MFN2: variants seen among roughly 807,000 people sequenced by gnomAD.
The protein encoded by MFN2 is mitofusin-2.
Under a neutral mutation model 87.5 loss-of-function variants are expected in MFN2, and 43 were observed. The observed-to-expected ratio is 0.49, with a 90% CI of 0.38 to 0.63. The LOEUF (loss-of-function observed/expected upper bound fraction) is 0.63. MFN2 is among the 30% of genes least tolerant of loss of function. MFN2 has a pLI of 0.00. For synonymous variants in MFN2, 337 were observed against 359.9 expected (o/e 0.94, Z 0.72); for missense variants, 743 against 972.8 (o/e 0.76, Z 3.14).
chr1:12,001,330 TTAA>T (rs1391347026), intron 8 of MFN2, 68 bp from the exon 9 acceptor site: 3 of 1,589,264 alleles, frequency 1.9e-6, no homozygotes, highest in Admixed American at 1.7e-5. Context: ...ACCTATTCTT[TTAA>T]TAAAAGAGGC....
At chr1:11,984,536 C>A (rs948433127) in intron 2 of MFN2, among the ~76,000 whole-genome samples, 2 of 152,204 alleles carry the variant, frequency 1.3e-5, no homozygotes, top group Non-Finnish European at 2.9e-5. Flanking sequence ...ATCCACGGAT[C>A]CAGGCTCATA....
chr1:11,998,405 G>A (rs1365715155), intron 6 of MFN2, among the ~76,000 whole-genome samples: 1 of 151,832 alleles, frequency 6.6e-6, no homozygotes, highest in Non-Finnish European at 1.5e-5. Context: ...AAAATTAGCT[G>A]GGCATGGTGG....
intron 3 of MFN2, among the ~76,000 whole-genome samples, chr1:11,989,829 C>T (rs956579561): frequency 2.6e-5 from 4 of 152,190 alleles, no homozygotes; most frequent in Non-Finnish European, 5.9e-5. Flanking sequence ...AGGAAACTCA[C>T]GTCACCTATG....
At chr1:12,009,754 T>C in intron 18 of MFN2, 28 bp downstream of exon 18, 1 of 1,613,964 alleles carries the variant, frequency 6.2e-7, no homozygotes, top group East Asian at 2.2e-5. Flanking sequence ...GGCCAAAGGT[T>C]AGGGCTCCAG....
intron 18 of MFN2, among the ~76,000 whole-genome samples, chr1:12,009,994 A>G (rs998798339): frequency 6.6e-6 from 1 of 152,186 alleles, no homozygotes; most frequent in African/African-American, 2.4e-5. Flanking sequence ...TCTCTACTAA[A>G]AATACAAAGA....
In MFN2 at chr1:12,003,158, T is replaced by C. The variant is rs1170618764; in HGVS notation, c.1161-834T>C. 2.6e-5 allele frequency among the ~76,000 whole-genome samples: 4 copies of C among 152,030 alleles called. No homozygotes were observed. The highest frequency in any genetic ancestry group is 2.0e-4 in the Admixed American group (3 of 15,242). On this transcript the variant is annotated intron_variant, in intron 11 of 18. Transcript: ENST00000235329. This position sits in a 1 kb window ranked among gnomAD's most constrained non-coding sequence, Gnocchi z 4.1. ...GTCCCCTTGTGCACCTTTTTAAGAG[T>C]CTTCCTGGGGTGAGTTCCTAGGGGT...
chr1:12,001,894 G>A lies in MFN2; in HGVS notation c.1038+58G>A, dbSNP rs1227518670. The A allele has an allele frequency of 5.6e-6, 9 of 1,613,854 alleles. No homozygotes were observed. In the East Asian group the frequency reaches 2.0e-4, roughly 36 times the overall value. ...TGTGCCTCCCCAGCTCCCATTGGCT[G>A]TGTCCCTGGCAGTGAAAACCAGAGT... is the stretch of plus-strand genomic sequence containing the variant. On this transcript the variant is annotated intron_variant, in intron 10 of 18. Transcript: ENST00000235329.
intron 2 of MFN2, among the ~76,000 whole-genome samples, chr1:11,987,000 G>C (rs1487687029): frequency 6.6e-6 from 1 of 152,194 alleles, no homozygotes; most frequent in Non-Finnish European, 1.5e-5. Context: ...AAGAGAGACA[G>C]TCACACAAAA....
Position 12,013,313 on chromosome 1 carries a change from C to A in MFN2, c.*1748C>A, listed in dbSNP as rs565302510. ...TAAATTTATACCACTGAGGGAGAGA[C>A]CCTTTCTGAAAGAAGTATGGCCAAA... On this transcript the variant is annotated 3_prime_UTR_variant, in exon 19 of 19. Coordinates refer to ENST00000235329, the MANE Select transcript of MFN2 (RefSeq NM_014874.4). 1.7e-5 allele frequency: 8 copies of A among 469,286 alleles called. No individual in the cohort carries two copies. The highest frequency in any genetic ancestry group is 1.6e-4 in the African/African-American group (8 of 50,134). The allele number at this position is 469,286 out of a possible 1,614,324, so 29.1% of individuals were successfully genotyped here.
chr1:12,006,401 A>T, intron 15 of MFN2, 137 bp from the exon 16 acceptor site: 1 of 1,133,560 alleles, frequency 8.8e-7, no homozygotes. Flanking sequence ...ATCTGAAGCT[A>T]GTTGTCCCCT....
rs184254413 is a variant in MFN2, at chr1:12,011,791, C to T, written c.*226C>T. 335 of 601,502 alleles carry T rather than the reference C, an allele frequency of 5.6e-4. 6 individuals carry two copies. In the South Asian group the frequency reaches 6.2e-3, roughly 11 times the overall value. 37.3% of individuals were successfully genotyped at this position (601,502 alleles called of 1,614,324 possible). On this transcript the variant is annotated 3_prime_UTR_variant, in exon 19 of 19. Transcript: ENST00000235329. ...TCATACCCCCAAAGGACACTTTCAG[C>T]GACAGCTATGGACAGCATGGTACCA...
intron 7 of MFN2, 32 bp downstream of exon 7, chr1:11,998,910 C>A (rs1288900760): frequency 1.2e-6 from 2 of 1,613,176 alleles, no homozygotes; most frequent in Non-Finnish European, 1.7e-6. Flanking sequence ...CCCAAGCTCC[C>A]AGCACCCCCT....
At chr1:11,990,829 G>A (rs1482189545) in intron 3 of MFN2, among the ~76,000 whole-genome samples, 1 of 152,226 alleles carries the variant, frequency 6.6e-6, no homozygotes, top group East Asian at 1.9e-4. Flanking sequence ...ATATAAGGGA[G>A]GAATATTGAT....
Position 12,004,217 on chromosome 1 carries a change from G to T in MFN2, c.1287+99G>T. The T allele has an allele frequency of 1.3e-6, 2 of 1,514,658 alleles. No individual in the cohort carries two copies. Among genetic ancestry groups the T allele is most frequent in the Non-Finnish European group, 1.8e-6 (2 of 1,104,930 alleles). The allele number at this position is 1,514,658 out of a possible 1,614,324, so 93.8% of individuals were successfully genotyped here. A position where few individuals can be genotyped will look rare whatever the true frequency, so the allele number is the denominator to read the frequency against. ...CTCTTAGGGACTTCTCAGCCTTTCA[G>T]AAGAAAGTTGTGGCCCTGTTTCAAG... is the stretch of plus-strand genomic sequence containing the variant. On this transcript the variant is annotated intron_variant, in intron 12 of 18. Transcript: ENST00000235329. This position sits in a 1 kb window ranked among gnomAD's most constrained non-coding sequence, Gnocchi z 4.2.
chr1:11,997,185 G>C, intron 5 of MFN2, 112 bp from the exon 6 acceptor site: 2 of 1,509,246 alleles, frequency 1.3e-6, no homozygotes, highest in Non-Finnish European at 1.8e-6. Context: ...GAAGAAGAAA[G>C]GGTAGCAGAT....
At position 11,989,280 on chromosome 1, in the gene MFN2, A is replaced by G; in HGVS notation, c.112A>G (p.Lys38Glu). The change falls in exon 3 of 19, where the codon AAG (lysine) becomes GAG (glutamate). Residue 38 changes from lysine to glutamate, a missense_variant. Lys to Glu is a moderately conservative substitution (Grantham distance 56, BLOSUM62 1). Around this residue, in one of 3 missense-constraint regions of MFN2, gnomAD observed 141 missense variants for 278.9 expected, o/e 0.51. Coordinates refer to ENST00000235329, the MANE Select transcript of MFN2 (RefSeq NM_014874.4). Reference sequence around the variant, plus strand: ...TAAGCACTTTGTCACTGCCAAGAAGAAGATCAATGGCATTTTTGAGCAGCT... The same window carrying G: ...TAAGCACTTTGTCACTGCCAAGAAGGAGATCAATGGCATTTTTGAGCAGCT... ...PLKHFVTAKK[K>E]INGIFEQLGA... The G allele has an allele frequency of 1.2e-6, 2 of 1,614,072 alleles. No individual in the cohort carries two copies. Among genetic ancestry groups the G allele is most frequent in the Non-Finnish European group, 1.7e-6 (2 of 1,180,020 alleles).
At chr1:12,000,975 C>G (rs1423363890) in intron 8 of MFN2, among the ~76,000 whole-genome samples, 1 of 152,180 alleles carries the variant, frequency 6.6e-6, no homozygotes, top group African/African-American at 2.4e-5. Flanking sequence ...GGACATTACA[C>G]TGTGTATGTG....
chr1:12,002,716 C>T (rs1171297088), intron 11 of MFN2, among the ~76,000 whole-genome samples: 1 of 152,158 alleles, frequency 6.6e-6, no homozygotes, highest in Admixed American at 6.5e-5. Context: ...CACCTTGCTT[C>T]TATCACACAG....
intron 8 of MFN2, among the ~76,000 whole-genome samples, chr1:12,001,029 CT>C (rs906122072): frequency 3.2e-4 from 49 of 152,070 alleles, no homozygotes; most frequent in African/African-American, 1.2e-3. Context: ...ATTGCCTATT[CT>C]TTTTTTTCCC....
Sources: gnomAD v4.1 joint callset for allele counts (sites outside exome capture counted in the v4.1 genomes callset) on GRCh38, gnomAD v4.1.1 for gene constraint, gnomAD v4.1.1 regional missense constraint, Gnocchi (gnomAD v3.1) non-coding constraint, MANE v1.5 for transcripts, NCBI Gene and HGNC (gene_info 2026-07-23, HGNC 2026-07-21) for gene names.